The following HDAC9 variants were observed in gnomAD, a reference collection of about 807,000 sequenced individuals.
HDAC9 encodes histone deacetylase 9, also known as MEF-2 interacting transcription repressor (MITR) protein.
In HDAC9, 41 loss-of-function variants were observed where a neutral mutation model predicts 139.4. That is an observed-to-expected ratio of 0.29 (90% confidence interval 0.23 to 0.38). The LOEUF (loss-of-function observed/expected upper bound fraction) is 0.38, where lower values mean the gene tolerates loss of function less well. Ranked by LOEUF, HDAC9 falls within the 10% of genes least tolerant of loss-of-function variation. The probability of loss-of-function intolerance (pLI) is 1.00; values close to 1 mark genes in which losing one functional copy is unlikely to be tolerated. For missense variants in HDAC9, 1,147 were observed against 1,297.0 expected (o/e 0.88, Z 1.78); for synonymous variants, 517 against 476.2 (o/e 1.09, Z -1.12).
intron 22 of HDAC9, among the ~76,000 whole-genome samples, chr7:18,908,650 T>C (rs1244932112): frequency 6.6e-6 from 1 of 152,110 alleles, no homozygotes; most frequent in Non-Finnish European, 1.5e-5. Context: ...CGGTATTTAT[T>C]TTTTTTGTGC....
At chr7:18,422,412 G>C (rs1000523405) in intron 1 of HDAC9, among the ~76,000 whole-genome samples, 6 of 152,186 alleles carry the variant, frequency 3.9e-5, no homozygotes, top group Non-Finnish European at 7.3e-5. Flanking sequence ...GAGGTAGCCT[G>C]GTTGGAGAAT....
At chr7:18,683,025 A>G (rs1298349140) in intron 12 of HDAC9, among the ~76,000 whole-genome samples, 1 of 151,986 alleles carries the variant, frequency 6.6e-6, no homozygotes, top group East Asian at 1.9e-4. Flanking sequence ...TGTTAGCCAA[A>G]CATAAGGCCC....
intron 1 of HDAC9, among the ~76,000 whole-genome samples, chr7:18,407,490 GA>G (rs1788124044): frequency 6.6e-6 from 1 of 152,032 alleles, no homozygotes; most frequent in African/African-American, 2.4e-5. Flanking sequence ...ACAGCCAATA[GA>G]AACAGGAAAT....
rs536943102 is a variant in HDAC9, at chr7:18,732,818, T to C, written c.1909+5061T>C. Among the ~76,000 whole-genome samples the C allele has an allele frequency of 9.1e-5, 8 of 87,840 alleles. 1 individual carries two copies. Among genetic ancestry groups the C allele is most frequent in the Admixed American group, 2.1e-4 (2 of 9,704 alleles). 57.6% of individuals were successfully genotyped at this position (87,840 alleles called of 152,430 possible). ...TTGTGTGCGTATGTGTACACACACGTGTGTATGTGTGCGTATGTGTACACA... is the reference window on the plus strand; with the variant it reads ...TTGTGTGCGTATGTGTACACACACGCGTGTATGTGTGCGTATGTGTACACA... On this transcript the variant is annotated intron_variant, in intron 13 of 25. Transcript: ENST00000686413.
intron 1 of HDAC9, among the ~76,000 whole-genome samples, chr7:18,128,310 G>A (rs1210046552): frequency 2.0e-5 from 3 of 152,054 alleles, no homozygotes; most frequent in African/African-American, 7.2e-5. Context: ...CAGGAAGCGT[G>A]TGCTGTTAGC....
At chr7:18,946,575 G>A (rs957251466) in intron 23 of HDAC9, among the ~76,000 whole-genome samples, 4 of 152,042 alleles carry the variant, frequency 2.6e-5, no homozygotes, top group African/African-American at 9.7e-5. Context: ...ATCAAAAGAG[G>A]TGTTTCATAC....
At chr7:18,762,124 G>A (rs1346318840) in intron 14 of HDAC9, 33 bp from the exon 15 acceptor site, 1 of 1,612,352 alleles carries the variant, frequency 6.2e-7, no homozygotes, top group Admixed American at 1.7e-5. Context: ...TGTTGTCAGT[G>A]GTGTACTGTT....
At chr7:18,872,760 G>C (rs984580708) in intron 21 of HDAC9, among the ~76,000 whole-genome samples, 1 of 152,092 alleles carries the variant, frequency 6.6e-6, no homozygotes, top group Non-Finnish European at 1.5e-5. Context: ...GTAGAGAGAA[G>C]CCTTTATGGA....
At position 18,998,936 on chromosome 7, in the gene HDAC9, G is replaced by GTATAT. The variant is rs542375055; in HGVS notation, c.*2877_*2881dup. On this transcript the variant is annotated 3_prime_UTR_variant, in exon 26 of 26. Coordinates refer to ENST00000686413, the MANE Select transcript of HDAC9 (RefSeq NM_178425.4). ...TTTCCCAATTGTATAATTTGGGGCT[G>GTATAT]TATATTAAACTAAAAAACACAGACA... 3.2e-3 allele frequency: 481 copies of GTATAT among 152,254 alleles called. 3 individuals are homozygous for GTATAT. The highest frequency in any genetic ancestry group is 0.011 in the African/African-American group (468 of 41,554). The allele number at this position is 152,254 out of a possible 1,614,324, so 9.4% of individuals were successfully genotyped here.
intron 16 of HDAC9, among the ~76,000 whole-genome samples, chr7:18,770,466 A>T (rs1466704569): frequency 6.6e-6 from 1 of 152,096 alleles, no homozygotes; most frequent in East Asian, 1.9e-4. Flanking sequence ...TTTCCTGGCC[A>T]TCTGACCTGC....
intron 1 of HDAC9, among the ~76,000 whole-genome samples, chr7:18,456,722 G>A (rs915599937): frequency 6.6e-6 from 1 of 152,184 alleles, no homozygotes; most frequent in Non-Finnish European, 1.5e-5. Flanking sequence ...TCTATAAAAT[G>A]GGAATAACAA....
intron 21 of HDAC9, among the ~76,000 whole-genome samples, chr7:18,864,688 A>C (rs1261749284): frequency 1.3e-5 from 2 of 151,994 alleles, no homozygotes; most frequent in African/African-American, 4.8e-5. Flanking sequence ...GAACCTCCCA[A>C]AATGCTCTAC....
At chr7:18,975,335 T>A (rs760657054) in intron 24 of HDAC9, among the ~76,000 whole-genome samples, 12 of 152,256 alleles carry the variant, frequency 7.9e-5, no homozygotes, top group Non-Finnish European at 1.8e-4. Context: ...ATTCAATTCA[T>A]GCTGGCATTT....
intron 25 of HDAC9, among the ~76,000 whole-genome samples, chr7:18,977,538 C>A (rs138601432): frequency 6.6e-6 from 1 of 152,132 alleles, no homozygotes; most frequent in Non-Finnish European, 1.5e-5. Flanking sequence ...GGAATTGGCC[C>A]TGTAGGCAAA....
chr7:18,931,172 T>C (rs1804708358), intron 22 of HDAC9, among the ~76,000 whole-genome samples: 2 of 152,196 alleles, frequency 1.3e-5, no homozygotes, highest in Non-Finnish European at 2.9e-5. Context: ...ACATAAATTT[T>C]CTAGAATGGT....
rs886301092 is a variant in HDAC9, at chr7:18,270,298, CA to C, written c.25+107959del. On this transcript the variant is annotated intron_variant, in intron 2 of 12. Coordinates refer to the HDAC9 transcript ENST00000417496. ...TCAATAAATGTTTGTAGAAATTAAA[CA>C]AAAAAAAAACTGTGACTTAGAAAAG... 1.2e-3 allele frequency among the ~76,000 whole-genome samples: 174 copies of C among 150,008 alleles called. 1 individual carries two copies. Among genetic ancestry groups the C allele is most frequent in the African/African-American group, 4.2e-3 (172 of 40,776 alleles).
chr7:18,836,108 C>G (rs990787005), intron 21 of HDAC9, 111 bp downstream of exon 21: 39 of 609,286 alleles, frequency 6.4e-5, no homozygotes, highest in Middle Eastern at 5.8e-4. Context: ...AATTATCGCT[C>G]AAAGCCACAT....
At chr7:18,732,483 ATAT>A (rs1786158686) in intron 13 of HDAC9, among the ~76,000 whole-genome samples, 1 of 142,490 alleles carries the variant, frequency 7.0e-6, no homozygotes, top group East Asian at 2.2e-4. Context: ...TATACAGTGT[ATAT>A]ATGTGTATAT....
chr7:18,400,714 A>T (rs1015950584), intron 1 of HDAC9, among the ~76,000 whole-genome samples: 1 of 151,996 alleles, frequency 6.6e-6, no homozygotes, highest in African/African-American at 2.4e-5. Context: ...ATGAATTAGG[A>T]CTCTACTGGA....
Sources: gnomAD v4.1 joint callset for allele counts (sites outside exome capture counted in the v4.1 genomes callset) on GRCh38, gnomAD v4.1.1 for gene constraint, MANE v1.5 for transcripts, NCBI Gene and HGNC (gene_info 2026-07-23, HGNC 2026-07-21) for gene names.